ASCC3: variants seen among roughly 807,000 people sequenced by gnomAD.
ASCC3 encodes the protein ASC-1 complex subunit P200.
Under a neutral mutation model 256.3 loss-of-function variants are expected in ASCC3, and 158 were observed. That is an observed-to-expected ratio of 0.62 (90% CI 0.54 to 0.70). The LOEUF (loss-of-function observed/expected upper bound fraction) is 0.70. ASCC3 is among the 30% of genes least tolerant of loss of function. The pLI, the probability that ASCC3 is intolerant of heterozygous loss-of-function variation, is 0.00. For synonymous variants in ASCC3, 948 were observed against 883.4 expected, an observed-to-expected ratio of 1.07 and a Z score of -1.30; for missense variants, 2,259 against 2,626.0, an observed-to-expected ratio of 0.86 and a Z score of 3.05.
At position 100,608,199 on chromosome 6, in the gene ASCC3, T is replaced by G. The variant is rs1773082135; in HGVS notation, c.4786-1111A>C. Among the ~76,000 whole-genome samples, 2 of 91,652 alleles carry G rather than the reference T, an allele frequency of 2.2e-5. 1 individual carries two copies. Among genetic ancestry groups the G allele is most frequent in the Non-Finnish European group, 3.8e-5 (2 of 52,034 alleles). The allele number at this position is 91,652 out of a possible 152,430, so 60.1% of individuals were successfully genotyped here. ...ATATATGTGTGTGTATATATATACT[T>G]TATATATATACTTTATATATATACT... On this transcript the variant is annotated intron_variant, in intron 30 of 41. Coordinates refer to ENST00000369162, the MANE Select transcript of ASCC3 (RefSeq NM_006828.4).
rs1420558921 is a variant in ASCC3 at position 100,827,066 on chromosome 6, T to C, written c.801+21082A>G. 2.6e-4 allele frequency among the ~76,000 whole-genome samples: 39 copies of C among 152,222 alleles called. 1 individual carries two copies. The highest frequency in any genetic ancestry group is 2.6e-3 in the Admixed American group (39 of 15,284). ...TCATCACAAAAAGATGGCATTAGTC[T>C]GGATTCTACTGTAAAATGGTCCGCT... is the stretch of plus-strand genomic sequence containing the variant. On this transcript the variant is annotated intron_variant, in intron 4 of 41. Transcript: ENST00000369162.
chr6:100,537,954 A>G (rs950823160), intron 37 of ASCC3, among the ~76,000 whole-genome samples: 1 of 151,212 alleles, frequency 6.6e-6, no homozygotes, highest in Non-Finnish European at 1.5e-5. Context: ...GGCTAAAAGT[A>G]CCTGGCTGAA....
chr6:100,540,865 G>A (rs1362201568), intron 36 of ASCC3, among the ~76,000 whole-genome samples: 7 of 152,126 alleles, frequency 4.6e-5, no homozygotes, highest in Admixed American at 1.3e-4. Context: ...AAATAAGACA[G>A]GGCTGGAGAA....
intron 13 of ASCC3, among the ~76,000 whole-genome samples, chr6:100,683,586 A>AAATCACAAGT (rs1777410876): frequency 6.6e-6 from 1 of 152,162 alleles, no homozygotes; most frequent in Non-Finnish European, 1.5e-5. Context: ...ACTCATATGA[A>AAATCACAAGT]AATCACAAGT....
At chr6:100,845,868 C>A (rs1188604017) in intron 4 of ASCC3, among the ~76,000 whole-genome samples, 1 of 152,080 alleles carries the variant, frequency 6.6e-6, no homozygotes, top group Admixed American at 6.6e-5. Context: ...CTATTCAGAG[C>A]TGGGAAACCA....
At chr6:100,863,313 A>G (rs1003679803) in intron 3 of ASCC3, among the ~76,000 whole-genome samples, 18 of 152,152 alleles carry the variant, frequency 1.2e-4, no homozygotes, top group African/African-American at 4.3e-4. Context: ...AAATATAATC[A>G]ATTGATAAGA....
intron 8 of ASCC3, among the ~76,000 whole-genome samples, chr6:100,774,881 C>G (rs1782113863): frequency 1.3e-5 from 2 of 152,212 alleles, no homozygotes; most frequent in East Asian, 1.9e-4. Context: ...AGGATATGAA[C>G]TATATGCTAA....
intron 36 of ASCC3, among the ~76,000 whole-genome samples, chr6:100,587,810 G>A (rs1771782327): frequency 6.6e-6 from 1 of 152,160 alleles, no homozygotes; most frequent in African/African-American, 2.4e-5. Flanking sequence ...CTGCTGACAG[G>A]ATGGGAACAG....
At chr6:100,837,284 G>A (rs1194784009) in intron 4 of ASCC3, among the ~76,000 whole-genome samples, 1 of 152,080 alleles carries the variant, frequency 6.6e-6, no homozygotes, top group African/African-American at 2.4e-5. Flanking sequence ...TACACTGTCA[G>A]TAGAAATGTA....
intron 36 of ASCC3, among the ~76,000 whole-genome samples, chr6:100,585,597 C>T (rs547738745): frequency 3.3e-5 from 5 of 152,336 alleles, no homozygotes; most frequent in South Asian, 4.1e-4. Context: ...GTCATTCTCC[C>T]TCCAGCTTTG....
chr6:100,606,624 A>G, intron 32 of ASCC3, 116 bp downstream of exon 32: 2 of 1,197,318 alleles, frequency 1.7e-6, no homozygotes, highest in Non-Finnish European at 2.3e-6. Context: ...TCATCTGTTT[A>G]AATGTGACCA....
intron 37 of ASCC3, among the ~76,000 whole-genome samples, chr6:100,526,967 A>G (rs1300808074): frequency 1.3e-5 from 2 of 152,174 alleles, no homozygotes; most frequent in African/African-American, 4.8e-5. Flanking sequence ...AAATCTTAAA[A>G]ACATTGTAAG....
intron 33 of ASCC3, 128 bp from the exon 34 acceptor site, chr6:100,602,063 A>G (rs1562155027): frequency 1.1e-6 from 1 of 878,490 alleles, no homozygotes; most frequent in Non-Finnish European, 1.7e-6. Context: ...ATATAACTTA[A>G]ATATTTAGTA....
chr6:100,853,719 T>G (rs1404846389), intron 3 of ASCC3, among the ~76,000 whole-genome samples: 11 of 152,172 alleles, frequency 7.2e-5, no homozygotes, highest in African/African-American at 2.7e-4. Flanking sequence ...TATCTTGGCC[T>G]CCTAAAGGGC....
intron 37 of ASCC3, among the ~76,000 whole-genome samples, chr6:100,536,302 T>A (rs766582361): frequency 6.6e-6 from 1 of 152,266 alleles, no homozygotes; most frequent in African/African-American, 2.4e-5. Flanking sequence ...TGGTCTTAGA[T>A]TGAAATAAGA....
chr6:100,847,912 G>A (rs1456058341), intron 4 of ASCC3: 1 of 373,296 alleles, frequency 2.7e-6, no homozygotes, highest in East Asian at 4.1e-5. Context: ...CAGAGCATGT[G>A]GACACCCAAC....
chr6:100,878,794 CAGA>C (rs1156426956), intron 1 of ASCC3, among the ~76,000 whole-genome samples: 6 of 152,216 alleles, frequency 3.9e-5, no homozygotes, highest in African/African-American at 1.2e-4. Flanking sequence ...ACCATCAACA[CAGA>C]AGATGTCTGT....
intron 1 of ASCC3, among the ~76,000 whole-genome samples, chr6:100,876,793 G>C (rs527372608): frequency 6.3e-4 from 96 of 152,168 alleles, no homozygotes; most frequent in African/African-American, 2.2e-3. Context: ...AACCCTAAAA[G>C]CCTACTTCTG....
At chr6:100,716,129 A>C (rs1779078070) in intron 12 of ASCC3, among the ~76,000 whole-genome samples, 1 of 151,894 alleles carries the variant, frequency 6.6e-6, no homozygotes, top group Admixed American at 6.6e-5. Context: ...TAAGTATTTA[A>C]GGTTATGGAT....
Sources: allele counts gnomAD v4.1 joint callset (sites outside exome capture counted in the v4.1 genomes callset), GRCh38; gene constraint gnomAD v4.1.1; transcripts MANE v1.5; gene names NCBI Gene and HGNC (gene_info 2026-07-23, HGNC 2026-07-21).